ARHGEF28: variants seen among roughly 807,000 people sequenced by gnomAD.
ARHGEF28 encodes 190 kDa guanine nucleotide exchange factor.
ARHGEF28 carries 152 observed loss-of-function variants against 206.6 expected under a neutral mutation model. The observed-to-expected ratio is 0.74, with a 90% CI of 0.64 to 0.84. The LOEUF (loss-of-function observed/expected upper bound fraction) is 0.84. Among genes scored for constraint, ARHGEF28 ranks in the 40% least tolerant of loss-of-function variants. The pLI, the probability that ARHGEF28 is intolerant of heterozygous loss-of-function variation, is 0.00. For synonymous variants in ARHGEF28, 763 were observed against 776.4 expected (o/e 0.98, Z 0.29); for missense variants, 2,028 against 2,073.2 (o/e 0.98, Z 0.42).
intron 1 of ARHGEF28, among the ~76,000 whole-genome samples, chr5:73,681,850 A>C (rs1459031756): frequency 2.0e-5 from 3 of 152,194 alleles, no homozygotes; most frequent in African/African-American, 7.2e-5. Flanking sequence ...CTGTAATCCC[A>C]GCACTGTGGG....
At chr5:73,690,420 A>G (rs1488810136) in intron 2 of ARHGEF28, among the ~76,000 whole-genome samples, 2 of 150,612 alleles carry the variant, frequency 1.3e-5, no homozygotes, top group Admixed American at 1.3e-4. Context: ...TGTATAAAGT[A>G]TAATTGGCTG....
intron 2 of ARHGEF28, 102 bp downstream of exon 2, chr5:73,684,986 G>A (rs969205753): frequency 2.9e-5 from 37 of 1,294,068 alleles, no homozygotes; most frequent in Non-Finnish European, 4.0e-5. Flanking sequence ...ATTGAGTTAA[G>A]GCTTTTTAAA....
chr5:73,932,810 T>TTC, intron 35 of ARHGEF28, among the ~76,000 whole-genome samples: 1 of 128,156 alleles, frequency 7.8e-6, no homozygotes, highest in South Asian at 2.9e-4. Flanking sequence ...CTTTTTTTTT[T>TTC]TTTTTTTTTT....
chr5:73,773,589 C>T (rs1258581543), intron 4 of ARHGEF28, among the ~76,000 whole-genome samples: 1 of 152,120 alleles, frequency 6.6e-6, no homozygotes, highest in Non-Finnish European at 1.5e-5. Context: ...TGAAAGATGA[C>T]GTGAATGTGT....
At chr5:73,927,486 T>C (rs1203858288) in intron 35 of ARHGEF28, among the ~76,000 whole-genome samples, 1 of 152,200 alleles carries the variant, frequency 6.6e-6, no homozygotes. Context: ...CAATTTAAAG[T>C]CATCTCCCAT....
chr5:73,883,930 T>C lies in ARHGEF28; in HGVS notation c.3055+46T>C, dbSNP rs1761108389. 3 of 1,247,718 alleles carry C rather than the reference T, an allele frequency of 2.4e-6. No individual in the cohort carries two copies. In the East Asian group the frequency reaches 8.1e-5, roughly 34 times the overall value. 77.3% of individuals were successfully genotyped at this position (1,247,718 alleles called of 1,614,324 possible). A position where few individuals can be genotyped will look rare whatever the true frequency, so the allele number is the denominator to read the frequency against. On this transcript the variant is annotated intron_variant, in intron 24 of 35. Transcript: ENST00000513042. ...TAAAAATTTGCCCCTCTTATTAGTTTTAAACACAGTTGAGGTGTTCTAAAC... is the reference window on the plus strand; with the variant it reads ...TAAAAATTTGCCCCTCTTATTAGTTCTAAACACAGTTGAGGTGTTCTAAAC...
chr5:73,660,746 A>C (rs1388436055), intron 1 of ARHGEF28, among the ~76,000 whole-genome samples: 1 of 152,226 alleles, frequency 6.6e-6, no homozygotes, highest in African/African-American at 2.4e-5. Flanking sequence ...GTACATTGTC[A>C]GTGAGCAGTA....
At chr5:73,840,826 A>G in intron 11 of ARHGEF28, 66 bp downstream of exon 11, 7 of 1,473,712 alleles carry the variant, frequency 4.7e-6, no homozygotes, top group Non-Finnish European at 4.5e-6. Context: ...GACTTCAAAA[A>G]TTCTAGTTTT....
intron 2 of ARHGEF28, among the ~76,000 whole-genome samples, chr5:73,725,058 G>A (rs1313341895): frequency 1.3e-5 from 2 of 150,922 alleles, no homozygotes; most frequent in African/African-American, 4.9e-5. Context: ...GTACCAAAAA[G>A]GTTAAAAAAA....
chr5:73,724,929 T>A (rs958719793), intron 2 of ARHGEF28, among the ~76,000 whole-genome samples: 3 of 152,188 alleles, frequency 2.0e-5, no homozygotes, highest in African/African-American at 7.2e-5. Context: ...AATTTCTAGG[T>A]CGTATGGTAA....
intron 1 of ARHGEF28, among the ~76,000 whole-genome samples, chr5:73,645,288 C>A (rs1580434504): frequency 6.6e-6 from 1 of 152,238 alleles, no homozygotes; most frequent in East Asian, 1.9e-4. Context: ...GTAGCTGGGA[C>A]TGCAGACGTG....
intron 9 of ARHGEF28, among the ~76,000 whole-genome samples, chr5:73,804,609 G>T (rs186714644): frequency 6.6e-6 from 1 of 151,736 alleles, no homozygotes; most frequent in Non-Finnish European, 1.5e-5. Context: ...CCTGATTTCC[G>T]TTTTCTATTC....
chr5:73,644,948 A>C (rs1467205915), intron 1 of ARHGEF28, among the ~76,000 whole-genome samples: 1 of 152,234 alleles, frequency 6.6e-6, no homozygotes, highest in Non-Finnish European at 1.5e-5. Context: ...CTGTACAAGA[A>C]AGAGATTTTA....
chr5:73,718,583 G>A (rs113008303), intron 2 of ARHGEF28, among the ~76,000 whole-genome samples: 4 of 152,070 alleles, frequency 2.6e-5, no homozygotes, highest in African/African-American at 4.8e-5. Flanking sequence ...TAGACGGTAC[G>A]TTGGTCTCTT....
chr5:73,633,455 C>G (rs1391583765), intron 1 of ARHGEF28, among the ~76,000 whole-genome samples: 1 of 152,028 alleles, frequency 6.6e-6, no homozygotes, highest in Non-Finnish European at 1.5e-5. Flanking sequence ...AACTTTTAGC[C>G]TCAGTTTTTG....
intron 25 of ARHGEF28, 51 bp from the exon 26 acceptor site, chr5:73,887,551 TA>T: frequency 1.5e-6 from 2 of 1,357,172 alleles, no homozygotes; most frequent in Non-Finnish European, 2.0e-6. Context: ...TTATTCAGTT[TA>T]TTTGAACTGT....
intron 4 of ARHGEF28, among the ~76,000 whole-genome samples, chr5:73,769,835 T>A (rs904808688): frequency 6.6e-6 from 1 of 152,206 alleles, no homozygotes; most frequent in African/African-American, 2.4e-5. Flanking sequence ...AATAGACATT[T>A]TAAGAACAGG....
At chr5:73,834,103 C>A (rs1271721887) in intron 10 of ARHGEF28, among the ~76,000 whole-genome samples, 5 of 152,068 alleles carry the variant, frequency 3.3e-5, no homozygotes, top group African/African-American at 9.7e-5. Context: ...TTAAAGAATA[C>A]AATGTAATGT....
In ARHGEF28 at chr5:73,628,399, A is replaced by G. The variant is rs189155761; in HGVS notation, c.-12+2077A>G. On this transcript the variant is annotated intron_variant, in intron 1 of 35. Coordinates refer to ENST00000513042, the MANE Select transcript of ARHGEF28 (RefSeq NM_001177693.2). Reference sequence around the variant, plus strand: ...ACTGAATTCCAAGAAAAAAAGATTCATGATATAAATGTTGGAAAAGCCTCA... The same window carrying G: ...ACTGAATTCCAAGAAAAAAAGATTCGTGATATAAATGTTGGAAAAGCCTCA... 3.1e-4 allele frequency among the ~76,000 whole-genome samples: 47 copies of G among 152,348 alleles called. No homozygotes were observed. The East Asian group carries it at 8.3e-3, about 27-fold the overall frequency.
Sources: allele counts gnomAD v4.1 joint callset (sites outside exome capture counted in the v4.1 genomes callset), GRCh38; gene constraint gnomAD v4.1.1; transcripts MANE v1.5; gene names NCBI Gene and HGNC (gene_info 2026-07-23, HGNC 2026-07-21).